Variants in CMIP observed in about 807,000 individuals in gnomAD.
The protein encoded by CMIP is C-Maf-inducing protein.
In CMIP, 13 loss-of-function variants were observed where a neutral mutation model predicts 97.3. The ratio of observed to expected loss-of-function variants is 0.13; its 90% CI spans 0.09 to 0.21. CMIP has a LOEUF of 0.21. Ranked by LOEUF, CMIP falls within the 10% of genes least tolerant of loss-of-function variation. The pLI is 1.00. For synonymous variants in CMIP, 538 were observed against 436.3 expected (o/e 1.23, Z -2.91); for missense variants, 847 against 1,024.9 (o/e 0.83, Z 2.37).
intron 1 of CMIP, among the ~76,000 whole-genome samples, chr16:81,588,365 C>G (rs1045832118): frequency 1.3e-5 from 2 of 152,200 alleles, no homozygotes; most frequent in Non-Finnish European, 2.9e-5. Context: ...TTGGGGGAGA[C>G]TTGTCCCTTC....
intron 3 of CMIP, among the ~76,000 whole-genome samples, chr16:81,640,361 G>A (rs1209988446): frequency 6.7e-6 from 1 of 148,528 alleles, no homozygotes; most frequent in Non-Finnish European, 1.5e-5. Flanking sequence ...CTCAACCACA[G>A]TTGCAGAGGG....
chr16:81,582,165 A>G (rs2091306815), intron 1 of CMIP, among the ~76,000 whole-genome samples: 2 of 152,108 alleles, frequency 1.3e-5, no homozygotes, highest in South Asian at 2.1e-4. Context: ...TGCCCCCATG[A>G]TCCAATCACC....
Position 81,711,218 on chromosome 16 carries a change from C to T in CMIP, c.*1419C>T, listed in dbSNP as rs1361942594. ...CCAGCCCTTTTTTCTGTTGGTTTAG[C>T]ACAAATACTTCCCTCCTCCGGCACC... On this transcript the variant is annotated 3_prime_UTR_variant, in exon 21 of 21. Transcript: ENST00000537098. The T allele has an allele frequency of 6.6e-6, 1 of 152,352 alleles. No individual in the cohort carries two copies. The highest frequency in any genetic ancestry group is 1.5e-5 in the Non-Finnish European group (1 of 68,034). 9.4% of individuals were successfully genotyped at this position (152,352 alleles called of 1,614,324 possible).
intron 1 of CMIP, among the ~76,000 whole-genome samples, chr16:81,461,633 A>AT (rs34602266): frequency 0.012 from 1,853 of 152,280 alleles, 23 homozygotes; most frequent in African/African-American, 0.028. Flanking sequence ...AGCCAGTGGG[A>AT]TTTTTTTGAA....
chr16:81,512,902 A>T (rs1009315530), intron 1 of CMIP, among the ~76,000 whole-genome samples: 1 of 152,002 alleles, frequency 6.6e-6, no homozygotes, highest in Admixed American at 6.5e-5. Context: ...ACACCCAGCT[A>T]ATTTTTGCAT....
At chr16:81,450,347 G>T (rs990774444) in intron 1 of CMIP, among the ~76,000 whole-genome samples, 1 of 152,200 alleles carries the variant, frequency 6.6e-6, no homozygotes, top group African/African-American at 2.4e-5. Flanking sequence ...GCGTTCTCAT[G>T]GCGCTGGATC....
Position 81,678,421 on chromosome 16 carries a change from C to T in CMIP, c.1181C>T (p.Ser394Leu), listed in dbSNP as rs1215692133. 3.1e-6 allele frequency: 5 copies of T among 1,595,214 alleles called. No homozygotes were observed. The highest frequency in any genetic ancestry group is 2.3e-5 in the East Asian group (1 of 43,406). The change falls in exon 10 of 21, where the codon TCG becomes TTG. Residue 394 changes from serine to leucine, a missense_variant. Around this residue, in one of 4 missense-constraint regions of CMIP, gnomAD observed 202 missense variants for 168.7 expected, o/e 1.20. Transcript: ENST00000537098. Reference sequence around the variant, plus strand: ...ACGCTGTCTGAGGCCCGGCTCAAGTCGGTGGTCGTGGCCTCCAGTGAGATC... The same window carrying T: ...ACGCTGTCTGAGGCCCGGCTCAAGTTGGTGGTCGTGGCCTCCAGTGAGATC... ...EATLSEARLK[S>L]VVVASSEIHV...
chr16:81,543,964 A>C (rs2090495789), intron 1 of CMIP, among the ~76,000 whole-genome samples: 1 of 152,266 alleles, frequency 6.6e-6, no homozygotes, highest in South Asian at 2.1e-4. Context: ...TTGGGAGAAC[A>C]CAGCTATTTT....
chr16:81,644,763 C>T (rs1226328255), intron 3 of CMIP, among the ~76,000 whole-genome samples: 1 of 152,220 alleles, frequency 6.6e-6, no homozygotes, highest in African/African-American at 2.4e-5. Flanking sequence ...GTGCAAGGCA[C>T]AAGTGGGGAC....
chr16:81,546,948 A>C (rs901149963), intron 1 of CMIP, among the ~76,000 whole-genome samples: 1 of 152,168 alleles, frequency 6.6e-6, no homozygotes, highest in Non-Finnish European at 1.5e-5. Flanking sequence ...CATTCCCTGC[A>C]TCGCGAGAGC....
At chr16:81,702,474 G>C (rs943976356) in intron 16 of CMIP, 148 bp from the exon 17 acceptor site, 3 of 750,052 alleles carry the variant, frequency 4.0e-6, no homozygotes, top group East Asian at 2.7e-5. Context: ...CCTCATCTCC[G>C]GGTTTGCCCC....
At chr16:81,564,589 T>A (rs559840390) in intron 1 of CMIP, among the ~76,000 whole-genome samples, 2 of 152,306 alleles carry the variant, frequency 1.3e-5, no homozygotes, top group African/African-American at 4.8e-5. Flanking sequence ...GTTCTCAAGC[T>A]CGAGGCTGCG....
At chr16:81,476,159 A>G (rs1907902862) in intron 1 of CMIP, 1 of 1,130,534 alleles carries the variant, frequency 8.8e-7, no homozygotes, top group Non-Finnish European at 1.3e-6. Flanking sequence ...GCGTTCAACC[A>G]CTCAGTCTTG....
In CMIP at chr16:81,638,820, A is replaced by G. The variant is rs140347591; in HGVS notation, c.478-13383A>G. On this transcript the variant is annotated intron_variant, in intron 3 of 20. Coordinates refer to ENST00000537098, the MANE Select transcript of CMIP (RefSeq NM_198390.3). The stretch of plus-strand genomic sequence containing the variant: ...GCCTGAGAGCAGGGAATCCAGGAGG[A>G]CAGGAGGGGCGGGCAGGCTGTGTTG... 1.6e-3 allele frequency among the ~76,000 whole-genome samples: 244 copies of G among 152,108 alleles called. 3 individuals carry two copies. Among genetic ancestry groups the G allele is most frequent in the African/African-American group, 5.7e-3 (236 of 41,486 alleles).
At chr16:81,668,606 C>T (rs972559786) in intron 7 of CMIP, among the ~76,000 whole-genome samples, 5 of 152,132 alleles carry the variant, frequency 3.3e-5, no homozygotes, top group African/African-American at 1.2e-4. Flanking sequence ...CCGCAGTGGA[C>T]ACTTTAGTTC....
intron 20 of CMIP, among the ~76,000 whole-genome samples, chr16:81,708,483 G>A (rs1007804906): frequency 1.3e-5 from 2 of 152,254 alleles, no homozygotes; most frequent in African/African-American, 4.8e-5. Context: ...GTGCAGGAAA[G>A]GCCCCTTGGG....
At chr16:81,581,296 GTAGTTAGGTGA>G (rs1422748397) in intron 1 of CMIP, among the ~76,000 whole-genome samples, 2 of 152,170 alleles carry the variant, frequency 1.3e-5, no homozygotes, top group African/African-American at 4.8e-5. Flanking sequence ...CGGGAAGCGC[GTAGTTAGGTGA>G]TTTAGTCACT....
Position 81,627,595 on chromosome 16 carries a change from G to A in CMIP, c.477+6669G>A, listed in dbSNP as rs1018776092. ...CCCGCCCTCGAGACTGTCTCTGCCC[G>A]GCTCTGGCCACGGAGTGTCCCCTGT... On this transcript the variant is annotated intron_variant, in intron 3 of 20. Transcript: ENST00000537098. This position sits in a 1 kb window ranked among gnomAD's most constrained non-coding sequence, Gnocchi z 4.6. Among the ~76,000 whole-genome samples, 5 of 151,932 alleles carry A rather than the reference G, an allele frequency of 3.3e-5. No homozygotes were observed. Among genetic ancestry groups the A allele is most frequent in the Non-Finnish European group, 7.4e-5 (5 of 67,972 alleles).
chr16:81,702,045 G>A (rs1174952067), intron 16 of CMIP, among the ~76,000 whole-genome samples: 1 of 152,162 alleles, frequency 6.6e-6, no homozygotes, highest in Non-Finnish European at 1.5e-5. Context: ...CCTCCTCCAT[G>A]TCCCTTAGAC....
Sources: gnomAD v4.1 joint callset for allele counts (sites outside exome capture counted in the v4.1 genomes callset) on GRCh38, gnomAD v4.1.1 for gene constraint, gnomAD v4.1.1 regional missense constraint, Gnocchi (gnomAD v3.1) non-coding constraint, MANE v1.5 for transcripts, NCBI Gene and HGNC (gene_info 2026-07-23, HGNC 2026-07-21) for gene names.